Variants in LLGL2 observed in about 807,000 individuals in gnomAD.
LLGL2 encodes the protein LLGL2, scribble cell polarity complex component.
In LLGL2, 81 loss-of-function variants were observed where a neutral mutation model predicts 123.2. The ratio of observed to expected loss-of-function variants is 0.66; its 90% CI spans 0.55 to 0.79. LLGL2 has a LOEUF of 0.79. Among genes scored for constraint, LLGL2 ranks in the 30% least tolerant of loss-of-function variants. LLGL2 has a pLI of 0.00. For missense variants in LLGL2, 1,273 were observed against 1,414.6 expected, an observed-to-expected ratio of 0.90 and a Z score of 1.61; for synonymous variants, 577 against 594.1, an observed-to-expected ratio of 0.97 and a Z score of 0.42.
At chr17:75,550,405 C>T (rs2147274993) in intron 2 of LLGL2, among the ~76,000 whole-genome samples, 1 of 131,306 alleles carries the variant, frequency 7.6e-6, no homozygotes, top group South Asian at 2.6e-4. Flanking sequence ...TGATACAGAC[C>T]TTGTTCAGCA....
chr17:75,531,348 C>G (rs759825795), intron 1 of LLGL2, among the ~76,000 whole-genome samples: 1 of 152,154 alleles, frequency 6.6e-6, no homozygotes, highest in Non-Finnish European at 1.5e-5. Context: ...TTAGTTTCCC[C>G]GGGGAGCTAT....
chr17:75,541,278 G>A (rs1304913144), intron 1 of LLGL2, among the ~76,000 whole-genome samples: 1 of 152,356 alleles, frequency 6.6e-6, no homozygotes, highest in Admixed American at 6.5e-5. Context: ...CCCCCACCAA[G>A]CTTCCTCTGA....
At chr17:75,548,499 C>A (rs2054529271) in intron 2 of LLGL2, among the ~76,000 whole-genome samples, 1 of 152,018 alleles carries the variant, frequency 6.6e-6, no homozygotes, top group African/African-American at 2.4e-5. Context: ...ATAACCAGCT[C>A]AAAGTATGCC....
In LLGL2 at chr17:75,568,490, T is replaced by G. The variant is rs201318934; in HGVS notation, c.1051T>G (p.Tyr351Asp). 1 of 1,612,978 alleles carries G rather than the reference T, an allele frequency of 6.2e-7. No homozygotes were observed. The highest frequency in any genetic ancestry group is 2.2e-5 in the East Asian group (1 of 44,878). The stretch of plus-strand genomic sequence containing the variant: ...CTGTACCCCAGCCTTTGACGACCCC[T>G]ATGCCCTGGTGGTGCTGGCTGAGGA... ...ADPAATFDDP[Y>D]ALVVLAEEEL... The change falls in exon 11 of 26, where the codon TAT becomes GAT. Residue 351 changes from tyrosine to aspartate, a missense_variant. Tyr to Asp is a radical substitution (Grantham distance 160). Transcript: ENST00000392550.
chr17:75,530,725 C>T (rs1802635734), intron 1 of LLGL2, among the ~76,000 whole-genome samples: 2 of 151,396 alleles, frequency 1.3e-5, no homozygotes, highest in South Asian at 2.1e-4. Context: ...GTAGGAGGAT[C>T]GCTTGAGCCC....
chr17:75,565,947 T>TG (rs993333687), intron 10 of LLGL2, among the ~76,000 whole-genome samples: 6 of 152,258 alleles, frequency 3.9e-5, no homozygotes, highest in African/African-American at 1.4e-4. Context: ...TCTGAGTATG[T>TG]GGACAGAGTG....
rs1434779393 is a variant in LLGL2 at position 75,549,897 on chromosome 17, C to G, written c.76-6149C>G. On this transcript the variant is annotated intron_variant, in intron 2 of 25. Transcript: ENST00000392550. The surrounding 1 kb of genome is among the most constrained non-coding windows in gnomAD (Gnocchi z 4.0). ...AGTCCCAGAGCCCAGGAGAGACGGGCCTTCTCCCCTACTCCAGGCTAACGT... is the reference window on the plus strand; with the variant it reads ...AGTCCCAGAGCCCAGGAGAGACGGGGCTTCTCCCCTACTCCAGGCTAACGT... Among the ~76,000 whole-genome samples the G allele has an allele frequency of 6.6e-6, 1 of 152,250 alleles. No homozygotes were observed.
chr17:75,572,214 G>C (rs2055746226), intron 19 of LLGL2, 150 bp downstream of exon 19: 1 of 823,764 alleles, frequency 1.2e-6, no homozygotes, highest in Non-Finnish European at 1.9e-6. Context: ...TGAGGGGGGA[G>C]TCTCGTGTGA....
intron 21 of LLGL2, 75 bp from the exon 22 acceptor site, chr17:75,573,877 C>A: frequency 1.3e-6 from 2 of 1,507,838 alleles, no homozygotes; most frequent in Non-Finnish European, 1.8e-6. Flanking sequence ...TTGACTTGTT[C>A]TTCATGGGAC....
intron 3 of LLGL2, among the ~76,000 whole-genome samples, chr17:75,556,515 G>A (rs1568047267): frequency 6.6e-6 from 1 of 152,108 alleles, no homozygotes; most frequent in African/African-American, 2.4e-5. Context: ...GAATCCCCCA[G>A]TCCCGGGCAG....
At position 75,558,399 on chromosome 17, in the gene LLGL2, C is replaced by T. The variant is rs544002528; in HGVS notation, c.256-113C>T. The T allele has an allele frequency of 2.6e-6, 3 of 1,163,420 alleles. No homozygotes were observed. The highest frequency in any genetic ancestry group is 2.4e-6 in the Non-Finnish European group (2 of 827,832). 72.1% of individuals were successfully genotyped at this position (1,163,420 alleles called of 1,614,324 possible). The stretch of plus-strand genomic sequence containing the variant: ...CTTTCCACAGCTGGGGCTCATGGGC[C>T]ACCCTGGGAGTGGCCAGGGGGTCTT... On this transcript the variant is annotated intron_variant, in intron 4 of 25. Coordinates refer to ENST00000392550, the MANE Select transcript of LLGL2 (RefSeq NM_001031803.2). The surrounding 1 kb of genome is among the most constrained non-coding windows in gnomAD (Gnocchi z 4.0).
intron 13 of LLGL2, 31 bp from the exon 14 acceptor site, chr17:75,569,190 G>GGCTGCTCACAGGGCCCCTC: frequency 1.9e-6 from 3 of 1,612,396 alleles, no homozygotes; most frequent in Non-Finnish European, 1.7e-6. Flanking sequence ...CTGTCCCCGT[G>GGCTGCTCACAGGGCCCCTC]GCTGCTCACA....
intron 21 of LLGL2, 144 bp downstream of exon 21, chr17:75,573,775 CTT>C (rs2055843932): frequency 8.3e-7 from 1 of 1,209,502 alleles, no homozygotes; most frequent in African/African-American, 1.5e-5. Flanking sequence ...CTCCTTGCCT[CTT>C]TGCGTGCCCC....
At chr17:75,554,011 G>A (rs1053080056) in intron 2 of LLGL2, among the ~76,000 whole-genome samples, 12 of 152,108 alleles carry the variant, frequency 7.9e-5, no homozygotes, top group Admixed American at 7.2e-4. Context: ...TGTTTTAAAA[G>A]TCATTTTAGG....
intron 2 of LLGL2, 58 bp from the exon 3 acceptor site, chr17:75,555,988 C>A: frequency 7.3e-7 from 1 of 1,374,708 alleles, no homozygotes; most frequent in African/African-American, 1.4e-5. Context: ...GCTGCAGCAG[C>A]CATGGTGGCG....
chr17:75,536,362 G>A (rs1479962414), intron 1 of LLGL2, among the ~76,000 whole-genome samples: 3 of 152,084 alleles, frequency 2.0e-5, no homozygotes, highest in Non-Finnish European at 2.9e-5. Flanking sequence ...TGCCAAGCCC[G>A]CTCCCTGGCC....
rs140939369 is a variant in LLGL2, at chr17:75,543,107, C to A, written c.-30-290C>A. On this transcript the variant is annotated intron_variant, in intron 1 of 25. Transcript: ENST00000392550. ...TAAGCTAATTAACCTCAGGGCCCGC[C>A]GGCCCTCCTTGTGCTTATAAAGCCA... 9.3e-5 allele frequency: 21 copies of A among 226,014 alleles called. 1 individual carries two copies. The East Asian group carries it at 1.8e-3, about 20-fold the overall frequency. The allele number at this position is 226,014 out of a possible 1,614,324, so 14.0% of individuals were successfully genotyped here.
At chr17:75,534,252 G>C (rs2053920027) in intron 1 of LLGL2, among the ~76,000 whole-genome samples, 1 of 152,288 alleles carries the variant, frequency 6.6e-6, no homozygotes, top group African/African-American at 2.4e-5. Context: ...ACAGGCCCAG[G>C]AGGGGCAACA....
At chr17:75,525,168 G>A (rs113838087), upstream of LLGL2, 15,357 of 152,468 alleles carry the variant, frequency 0.1, 1,082 homozygotes, top group African/African-American at 0.19. The surrounding 1 kb of genome is among the most constrained non-coding windows in gnomAD (Gnocchi z 4.8). Flanking sequence ...CGGCCGACAC[G>A]GAGGAGGTGG....
Sources: gnomAD v4.1 joint callset for allele counts (sites outside exome capture counted in the v4.1 genomes callset) on GRCh38, gnomAD v4.1.1 for gene constraint, Gnocchi (gnomAD v3.1) non-coding constraint, MANE v1.5 for transcripts, NCBI Gene and HGNC (gene_info 2026-07-23, HGNC 2026-07-21) for gene names.